PPFIBP1: variants seen among roughly 807,000 people sequenced by gnomAD.
PPFIBP1 encodes PPFIB scaffold protein 1.
In PPFIBP1, 112 loss-of-function variants were observed where a neutral mutation model predicts 137.8. The observed-to-expected ratio is 0.81, with a 90% CI of 0.70 to 0.95. The LOEUF (loss-of-function observed/expected upper bound fraction) is 0.95. Among genes scored for constraint, PPFIBP1 ranks in the 40% least tolerant of loss-of-function variants. The pLI, the probability that PPFIBP1 is intolerant of heterozygous loss-of-function variation, is 0.00. For synonymous variants in PPFIBP1, 378 were observed against 417.3 expected, an observed-to-expected ratio of 0.91 and a Z score of 1.15; for missense variants, 1,083 against 1,196.6, an observed-to-expected ratio of 0.91 and a Z score of 1.40.
intron 1 of PPFIBP1, among the ~76,000 whole-genome samples, chr12:27,550,927 T>C (rs1358473739): frequency 6.6e-6 from 1 of 151,288 alleles, no homozygotes; most frequent in Non-Finnish European, 1.5e-5. Flanking sequence ...ATCACTCACT[T>C]ACTCTGTGGC....
intron 5 of PPFIBP1, 121 bp downstream of exon 5, chr12:27,646,269 C>A: frequency 1.3e-6 from 1 of 773,800 alleles, no homozygotes; most frequent in Non-Finnish European, 2.2e-6. Flanking sequence ...GCCTGATAAG[C>A]CATCTGTACA....
intron 2 of PPFIBP1, among the ~76,000 whole-genome samples, chr12:27,580,919 T>TG (rs1165980090): frequency 6.6e-6 from 1 of 151,998 alleles, no homozygotes; most frequent in African/African-American, 2.4e-5. Flanking sequence ...TTTTTTTTTT[T>TG]TTCTTTTAAG....
At chr12:27,580,908 C>G (rs2051037708) in intron 2 of PPFIBP1, among the ~76,000 whole-genome samples, 1 of 146,242 alleles carries the variant, frequency 6.8e-6, no homozygotes, top group African/African-American at 2.5e-5. Flanking sequence ...ACATTATACT[C>G]TTTTTTTTTT....
intron 2 of PPFIBP1, among the ~76,000 whole-genome samples, chr12:27,597,270 C>T (rs1465190756): frequency 6.6e-6 from 1 of 152,070 alleles, no homozygotes; most frequent in African/African-American, 2.4e-5. Flanking sequence ...CGGGTTCAAG[C>T]AATTATCCTG....
intron 24 of PPFIBP1, among the ~76,000 whole-genome samples, chr12:27,685,004 C>T (rs2061110681): frequency 6.6e-6 from 1 of 152,050 alleles, no homozygotes; most frequent in African/African-American, 2.4e-5. Flanking sequence ...GTTCCAGGAT[C>T]TAATCTAGGA....
chr12:27,625,394 A>G (rs1258713693), intron 2 of PPFIBP1, among the ~76,000 whole-genome samples: 3 of 152,138 alleles, frequency 2.0e-5, no homozygotes, highest in African/African-American at 7.2e-5. Context: ...AGCAAATTCC[A>G]AATGTTGTAT....
At chr12:27,542,921 A>G (rs1945826962) in intron 1 of PPFIBP1, among the ~76,000 whole-genome samples, 1 of 152,196 alleles carries the variant, frequency 6.6e-6, no homozygotes, top group Admixed American at 6.5e-5. Context: ...GGCATCATTC[A>G]TGGAGTTGTT....
At chr12:27,649,432 T>A (rs527563027) in intron 6 of PPFIBP1, among the ~76,000 whole-genome samples, 2 of 152,338 alleles carry the variant, frequency 1.3e-5, no homozygotes, top group South Asian at 4.2e-4. Context: ...ATCATCAGAC[T>A]GAAGTATATA....
chr12:27,678,977 G>A (rs1320698022), intron 19 of PPFIBP1, among the ~76,000 whole-genome samples: 2 of 151,504 alleles, frequency 1.3e-5, no homozygotes, highest in Non-Finnish European at 2.9e-5. Context: ...CAGGCATTTA[G>A]ATACAGAGCC....
At chr12:27,596,315 T>A (rs1313826856) in intron 2 of PPFIBP1, among the ~76,000 whole-genome samples, 1 of 152,100 alleles carries the variant, frequency 6.6e-6, no homozygotes, top group African/African-American at 2.4e-5. Context: ...TTAAATAAGA[T>A]GTTTAAGGAA....
intron 2 of PPFIBP1, among the ~76,000 whole-genome samples, chr12:27,582,212 G>T (rs527418123): frequency 1.6e-4 from 24 of 152,224 alleles, no homozygotes; most frequent in African/African-American, 5.3e-4. Context: ...AATAAGTGGC[G>T]TGTGTATGTG....
rs777012791 is a variant in PPFIBP1, at chr12:27,647,846, T to C, written c.471+4T>C. 8 of 1,609,720 alleles carry C rather than the reference T, an allele frequency of 5.0e-6. No homozygotes were observed. Among genetic ancestry groups the C allele is most frequent in the Middle Eastern group, 1.7e-4 (1 of 6,048 alleles). ...CACAGAAGAAATGCTGCAGCAGGTATGTGCAGAGGCCAGAACCAAGATGGG... is the reference window on the plus strand; with the variant it reads ...CACAGAAGAAATGCTGCAGCAGGTACGTGCAGAGGCCAGAACCAAGATGGG... On this transcript the variant is annotated splice_donor_region_variant and intron_variant, in intron 6 of 29. Transcript: ENST00000228425.
At chr12:27,572,991 T>G (rs1352762831) in intron 1 of PPFIBP1, among the ~76,000 whole-genome samples, 1 of 152,196 alleles carries the variant, frequency 6.6e-6, no homozygotes, top group African/African-American at 2.4e-5. Context: ...AGTTTGCTCA[T>G]AAGAGTTACT....
intron 6 of PPFIBP1, 32 bp from the exon 7 acceptor site, chr12:27,649,978 A>G: frequency 1.3e-6 from 2 of 1,577,674 alleles, no homozygotes. Context: ...ATAATAAAAG[A>G]CTTCTTGAAT....
chr12:27,549,288 G>A (rs753979214), intron 1 of PPFIBP1: 1 of 150,368 alleles, frequency 6.7e-6, no homozygotes, highest in African/African-American at 2.4e-5. Flanking sequence ...GTGATGATCT[G>A]ATAGTAGAAA....
At chr12:27,567,689 T>C (rs1387425319) in intron 1 of PPFIBP1, among the ~76,000 whole-genome samples, 1 of 152,056 alleles carries the variant, frequency 6.6e-6, no homozygotes, top group Non-Finnish European at 1.5e-5. Context: ...ATAATGAAAG[T>C]TTCAGGAAAA....
chr12:27,589,937 G>A (rs1044795718), intron 2 of PPFIBP1, among the ~76,000 whole-genome samples: 1 of 152,106 alleles, frequency 6.6e-6, no homozygotes, highest in African/African-American at 2.4e-5. Context: ...TCAGTTGATA[G>A]GTTGCCATCT....
intron 2 of PPFIBP1, among the ~76,000 whole-genome samples, chr12:27,586,090 C>G (rs910485640): frequency 2.6e-5 from 4 of 152,146 alleles, no homozygotes; most frequent in Non-Finnish European, 2.9e-5. Flanking sequence ...TGTTATGTGC[C>G]AGGTACGAAT....
intron 2 of PPFIBP1, among the ~76,000 whole-genome samples, chr12:27,632,264 G>A (rs182869676): frequency 3.9e-5 from 6 of 152,148 alleles, no homozygotes; most frequent in African/African-American, 9.7e-5. Context: ...ATATATTTGT[G>A]AAAATAAAGT....
Sources: gnomAD v4.1 joint callset for allele counts (sites outside exome capture counted in the v4.1 genomes callset) on GRCh38, gnomAD v4.1.1 for gene constraint, MANE v1.5 for transcripts, NCBI Gene and HGNC (gene_info 2026-07-23, HGNC 2026-07-21) for gene names.